The following RRAGD variants were observed in gnomAD, a reference collection of about 807,000 sequenced individuals.
The protein encoded by RRAGD is Ras related GTP binding D.
Under a neutral mutation model 35.5 loss-of-function variants are expected in RRAGD, and 12 were observed. That is an observed-to-expected ratio of 0.34 (90% confidence interval 0.22 to 0.55). The LOEUF (loss-of-function observed/expected upper bound fraction) is 0.55. Ranked by LOEUF, RRAGD falls within the 20% of genes least tolerant of loss-of-function variation. The probability of loss-of-function intolerance (pLI) is 0.91; values close to 1 mark genes in which losing one functional copy is unlikely to be tolerated. For missense variants in RRAGD, 324 were observed against 490.1 expected (o/e 0.66, Z 3.20); for synonymous variants, 155 against 178.9 (o/e 0.87, Z 1.07).
At chr6:89,406,488 G>A (rs1282435405) in intron 1 of RRAGD, among the ~76,000 whole-genome samples, 1 of 151,920 alleles carries the variant, frequency 6.6e-6, no homozygotes, top group Non-Finnish European at 1.5e-5. Flanking sequence ...GAGTGGATTG[G>A]TGGAAGAAGA....
Position 89,412,035 on chromosome 6 carries a change from G to A in RRAGD, c.-42C>T, listed in dbSNP as rs1056633484. The stretch of plus-strand genomic sequence containing the variant: ...CCGGCCCGGGGACGGCGGGGGTCCC[G>A]GGGTGGGGGCCAAGCCTCCTAGCCG... On this transcript the variant is annotated 5_prime_UTR_variant, in exon 1 of 7. Coordinates refer to ENST00000369415, the MANE Select transcript of RRAGD (RefSeq NM_021244.5). This position sits in a 1 kb window ranked among gnomAD's most constrained non-coding sequence, Gnocchi z 4.2. 1 of 1,511,160 alleles carries A rather than the reference G, an allele frequency of 6.6e-7. No homozygotes were observed. Among genetic ancestry groups the A allele is most frequent in the Non-Finnish European group, 8.8e-7 (1 of 1,134,390 alleles). The allele number at this position is 1,511,160 out of a possible 1,614,324, so 93.6% of individuals were successfully genotyped here.
chr6:89,405,612 C>T (rs1769564110), intron 1 of RRAGD, among the ~76,000 whole-genome samples: 1 of 152,172 alleles, frequency 6.6e-6, no homozygotes, highest in East Asian at 1.9e-4. Flanking sequence ...AACACACTCC[C>T]CTTCTTTTTT....
Position 89,412,157 on chromosome 6 carries a change from G to A in RRAGD, c.-164C>T. The stretch of plus-strand genomic sequence containing the variant: ...CGCGTCCCCCGGCGGGCGGCGCCCA[G>A]GTCCGGGTCCCGCGGTTCCCAGCGC... On this transcript the variant is annotated 5_prime_UTR_variant, in exon 1 of 7. Transcript: ENST00000369415. This position sits in a 1 kb window ranked among gnomAD's most constrained non-coding sequence, Gnocchi z 4.2. The A allele has an allele frequency of 3.6e-6, 2 of 559,478 alleles. No homozygotes were observed. Among genetic ancestry groups the A allele is most frequent in the East Asian group, 3.9e-5 (1 of 25,562 alleles). 34.7% of individuals were successfully genotyped at this position (559,478 alleles called of 1,614,324 possible). A position where few individuals can be genotyped will look rare whatever the true frequency, so the allele number is the denominator to read the frequency against.
rs1769700787 is a variant in RRAGD, at chr6:89,411,809, G to A, written c.148+37C>T. ...GCGGGAAGGCGCCAAGGGGAGGAAA[G>A]GGGCGCGAGCCGAGGACGCGGGGGC... is the stretch of plus-strand genomic sequence containing the variant. On this transcript the variant is annotated intron_variant, in intron 1 of 6. Coordinates refer to ENST00000369415, the MANE Select transcript of RRAGD (RefSeq NM_021244.5). The surrounding 1 kb of genome is among the most constrained non-coding windows in gnomAD (Gnocchi z 5.6). The A allele has an allele frequency of 6.5e-7, 1 of 1,530,242 alleles. No individual in the cohort carries two copies. The highest frequency in any genetic ancestry group is 8.7e-7 in the Non-Finnish European group (1 of 1,143,072). 94.8% of individuals were successfully genotyped at this position (1,530,242 alleles called of 1,614,324 possible).
At position 89,412,168 on chromosome 6, in the gene RRAGD, C is replaced by A. The variant is rs544125053; in HGVS notation, c.-175G>T. 178 of 485,220 alleles carry A rather than the reference C, an allele frequency of 3.7e-4. No homozygotes were observed. Among genetic ancestry groups the A allele is most frequent in the African/African-American group, 3.3e-3 (165 of 49,272 alleles). The allele number at this position is 485,220 out of a possible 1,614,324, so 30.1% of individuals were successfully genotyped here. A position where few individuals can be genotyped will look rare whatever the true frequency, so the allele number is the denominator to read the frequency against. Reference sequence around the variant, plus strand: ...GCGGGCGGCGCCCAGGTCCGGGTCCCGCGGTTCCCAGCGCGCCCGAAGCCC... The same window carrying A: ...GCGGGCGGCGCCCAGGTCCGGGTCCAGCGGTTCCCAGCGCGCCCGAAGCCC... On this transcript the variant is annotated 5_prime_UTR_variant, in exon 1 of 7. Coordinates refer to ENST00000369415, the MANE Select transcript of RRAGD (RefSeq NM_021244.5). The surrounding 1 kb of genome is among the most constrained non-coding windows in gnomAD (Gnocchi z 4.2).
intron 5 of RRAGD, among the ~76,000 whole-genome samples, chr6:89,375,735 C>T (rs1215979465): frequency 1.3e-5 from 2 of 152,222 alleles, no homozygotes; most frequent in Admixed American, 1.3e-4. Context: ...CTGAGGAAAC[C>T]CCAGAGCCCA....
At chr6:89,410,637 T>C (rs1403033179) in intron 1 of RRAGD, among the ~76,000 whole-genome samples, 2 of 152,158 alleles carry the variant, frequency 1.3e-5, no homozygotes, top group Admixed American at 6.5e-5. Context: ...TGAAAAAGGG[T>C]GACTTGAGAG....
At chr6:89,395,123 G>C (rs752008895) in intron 1 of RRAGD, among the ~76,000 whole-genome samples, 7 of 152,162 alleles carry the variant, frequency 4.6e-5, no homozygotes, top group Non-Finnish European at 7.3e-5. Context: ...GCCGGACCTG[G>C]TGGTAAGCAC....
intron 1 of RRAGD, among the ~76,000 whole-genome samples, chr6:89,403,241 C>T (rs891267833): frequency 2.6e-5 from 4 of 152,064 alleles, no homozygotes; most frequent in Non-Finnish European, 4.4e-5. Flanking sequence ...GGAGATCAAT[C>T]GAGACCATCC....
intron 1 of RRAGD, 139 bp from the exon 2 acceptor site, chr6:89,387,729 C>G: frequency 1.2e-6 from 1 of 825,698 alleles, no homozygotes; most frequent in Admixed American, 2.4e-5. Context: ...ACAGTCCCTC[C>G]ACTTAAACCC....
At chr6:89,394,088 C>T (rs796564239) in intron 1 of RRAGD, among the ~76,000 whole-genome samples, 1 of 151,794 alleles carries the variant, frequency 6.6e-6, no homozygotes, top group South Asian at 2.1e-4. Context: ...AAAGAAGTTC[C>T]AAAAGGAGAG....
intron 6 of RRAGD, among the ~76,000 whole-genome samples, chr6:89,370,118 G>C (rs1209851817): frequency 6.6e-6 from 1 of 152,190 alleles, no homozygotes; most frequent in Non-Finnish European, 1.5e-5. Context: ...GTGATGTTGA[G>C]AGAAAGTCAT....
chr6:89,371,050 A>T (rs1768846515), intron 6 of RRAGD, among the ~76,000 whole-genome samples: 1 of 151,620 alleles, frequency 6.6e-6, no homozygotes, highest in African/African-American at 2.4e-5. Context: ...AATATAAAAT[A>T]TAAATATTTT....
chr6:89,411,718 C>T lies in RRAGD; in HGVS notation c.148+128G>A, dbSNP rs114906346. The T allele has an allele frequency of 3.0e-3, 3,094 of 1,041,628 alleles. 69 individuals are homozygous for T. The African/African-American group carries it at 0.045, about 15-fold the overall frequency. 64.5% of individuals were successfully genotyped at this position (1,041,628 alleles called of 1,614,324 possible). A position where few individuals can be genotyped will look rare whatever the true frequency, so the allele number is the denominator to read the frequency against. ...TTTTGGCGTCCCTCCCCACCCCAAA[C>T]CCTCAACTGGACCCGCTCCCCTGGA... On this transcript the variant is annotated intron_variant, in intron 1 of 6. Coordinates refer to ENST00000369415, the MANE Select transcript of RRAGD (RefSeq NM_021244.5). The surrounding 1 kb of genome is among the most constrained non-coding windows in gnomAD (Gnocchi z 5.6).
At chr6:89,374,463 G>A (rs1290553889) in intron 5 of RRAGD, among the ~76,000 whole-genome samples, 1 of 152,144 alleles carries the variant, frequency 6.6e-6, no homozygotes, top group Non-Finnish European at 1.5e-5. Flanking sequence ...GGGTGGGCAC[G>A]GTGGCTCAGG....
intron 2 of RRAGD, among the ~76,000 whole-genome samples, chr6:89,382,025 A>G (rs1215043245): frequency 6.6e-6 from 1 of 151,894 alleles, no homozygotes; most frequent in Non-Finnish European, 1.5e-5. Context: ...GGCAAAAAAA[A>G]AAAAAGGAAA....
chr6:89,410,800 A>G (rs1193498091), intron 1 of RRAGD, among the ~76,000 whole-genome samples: 1 of 152,262 alleles, frequency 6.6e-6, no homozygotes, highest in Non-Finnish European at 1.5e-5. Flanking sequence ...TGAATTCTCA[A>G]TAAAAGTTCT....
chr6:89,376,512 T>C (rs1768948590), intron 5 of RRAGD, among the ~76,000 whole-genome samples: 1 of 152,144 alleles, frequency 6.6e-6, no homozygotes, highest in Non-Finnish European at 1.5e-5. Context: ...ACCTCATCGA[T>C]TAGATGAGGA....
chr6:89,387,246 G>T, intron 2 of RRAGD, 49 bp downstream of exon 2: 2 of 1,563,942 alleles, frequency 1.3e-6, no homozygotes, highest in Non-Finnish European at 8.7e-7. Flanking sequence ...ATGGGGTGGG[G>T]TGGAGGGGAC....
Sources: gnomAD v4.1 joint callset for allele counts (sites outside exome capture counted in the v4.1 genomes callset) on GRCh38, gnomAD v4.1.1 for gene constraint, Gnocchi (gnomAD v3.1) non-coding constraint, MANE v1.5 for transcripts, NCBI Gene and HGNC (gene_info 2026-07-23, HGNC 2026-07-21) for gene names.